ODAD2: variants seen among roughly 807,000 people sequenced by gnomAD.
ODAD2 encodes the protein outer dynein arm docking complex subunit 2.
ODAD2 carries 89 observed loss-of-function variants against 106.8 expected under a neutral mutation model. That is an observed-to-expected ratio of 0.83 (90% CI 0.70 to 0.99). ODAD2 has a LOEUF of 0.99. Among genes scored for constraint, ODAD2 ranks in the 50% least tolerant of loss-of-function variants. The pLI, the probability that ODAD2 is intolerant of heterozygous loss-of-function variation, is 0.00. For synonymous variants in ODAD2, 404 were observed against 436.2 expected, an observed-to-expected ratio of 0.93 and a Z score of 0.92; for missense variants, 1,168 against 1,238.5, an observed-to-expected ratio of 0.94 and a Z score of 0.85.
intron 7 of ODAD2, among the ~76,000 whole-genome samples, chr10:27,972,830 G>C (rs1366868273): frequency 6.6e-6 from 1 of 152,012 alleles, no homozygotes. Flanking sequence ...AACTCTCTCA[G>C]TAATCAATAA....
At chr10:27,916,932 C>A (rs959206290) in intron 16 of ODAD2, among the ~76,000 whole-genome samples, 3 of 152,138 alleles carry the variant, frequency 2.0e-5, no homozygotes, top group Non-Finnish European at 2.9e-5. Flanking sequence ...AACAAATCTA[C>A]AATCATGATT....
rs370699691 is a variant in ODAD2, at chr10:27,971,320, T to C, written c.937-7A>G. On this transcript the variant is annotated splice_region_variant and splice_polypyrimidine_tract_variant and intron_variant, in intron 7 of 19. Transcript: ENST00000305242. ...CTTCACTGAAGCTAATTCCCTTTAT[T>C]TAAAAAATGAGAATAATTTTTAATG... 3.6e-4 allele frequency: 564 copies of C among 1,578,556 alleles called. No homozygotes were observed. Among genetic ancestry groups the C allele is most frequent in the Non-Finnish European group, 4.7e-4 (544 of 1,167,974 alleles).
chr10:27,970,754 A>C (rs1221597675), intron 8 of ODAD2, among the ~76,000 whole-genome samples: 1 of 152,166 alleles, frequency 6.6e-6, no homozygotes, highest in Non-Finnish European at 1.5e-5. Flanking sequence ...ACTTGAGGTC[A>C]GGAGTTTGAG....
chr10:27,945,560 C>T (rs939749549), intron 10 of ODAD2, among the ~76,000 whole-genome samples: 15 of 152,036 alleles, frequency 9.9e-5, no homozygotes, highest in Admixed American at 7.9e-4. Flanking sequence ...CCTGGCTGAA[C>T]GCAGAGTCTT....
chr10:27,995,259 C>A, intron 1 of ODAD2, 79 bp from the exon 2 acceptor site: 1 of 1,382,910 alleles, frequency 7.2e-7, no homozygotes, highest in Non-Finnish European at 9.7e-7. Flanking sequence ...AGACTTTAAA[C>A]TAGTACTCCC....
chr10:27,867,345 T>C (rs1288961714), intron 17 of ODAD2, among the ~76,000 whole-genome samples: 1 of 152,174 alleles, frequency 6.6e-6, no homozygotes, highest in Non-Finnish European at 1.5e-5. Flanking sequence ...CAAAGTCTGA[T>C]GGTGCTGGGG....
intron 19 of ODAD2, among the ~76,000 whole-genome samples, chr10:27,818,128 T>A (rs1931888): frequency 6.6e-6 from 1 of 150,620 alleles, no homozygotes; most frequent in African/African-American, 2.4e-5. Context: ...TGGATGCCAA[T>A]GGATCCTGAT....
chr10:27,961,938 T>C (rs189511555), intron 9 of ODAD2, among the ~76,000 whole-genome samples: 119 of 152,276 alleles, frequency 7.8e-4, no homozygotes, highest in African/African-American at 2.8e-3. Context: ...TGGTGGTGCA[T>C]GCCTGTAATT....
In ODAD2 at chr10:27,885,527, A is replaced by AT. The variant is rs1564465114; in HGVS notation, c.2610+22135_2610+22136insA. On this transcript the variant is annotated intron_variant, in intron 17 of 19. Coordinates refer to ENST00000305242, the MANE Select transcript of ODAD2 (RefSeq NM_018076.5). ...TCCATCTCAAAAAAAAAAAAAAAAA[A>AT]AAAAAAATATATATATATATAAATA... Among the ~76,000 whole-genome samples, 75 of 19,130 alleles carry AT rather than the reference A, an allele frequency of 3.9e-3. 5 individuals carry two copies. The highest frequency in any genetic ancestry group is 0.038 in the East Asian group (36 of 940). 12.6% of individuals were successfully genotyped at this position (19,130 alleles called of 152,430 possible).
chr10:27,941,486 C>T (rs540231938), intron 12 of ODAD2, among the ~76,000 whole-genome samples: 133 of 122,804 alleles, frequency 1.1e-3, no homozygotes, highest in Non-Finnish European at 1.5e-3. Flanking sequence ...TCCTGCCCCC[C>T]GAACCAAAAA....
chr10:27,996,552 G>A (rs531443051), intron 1 of ODAD2, among the ~76,000 whole-genome samples: 16 of 152,190 alleles, frequency 1.1e-4, no homozygotes, highest in Middle Eastern at 6.8e-3. Flanking sequence ...TAACCTCCAG[G>A]CATCTAGTAA....
In ODAD2 at chr10:27,981,465, C is replaced by A. The variant is rs1237311934; in HGVS notation, c.936+1G>T. On this transcript the variant is annotated splice_donor_variant, in intron 7 of 19. Transcript: ENST00000305242. LOFTEE classifies it high-confidence loss of function. ...AGCTCAAAAGAAACCATAAAACTTA[C>A]CAATTTAGACATATTTTCTGAAAAT... The A allele has an allele frequency of 2.0e-6, 3 of 1,497,410 alleles. No individual in the cohort carries two copies. Among genetic ancestry groups the A allele is most frequent in the East Asian group, 2.7e-5 (1 of 37,666 alleles). 92.8% of individuals were successfully genotyped at this position (1,497,410 alleles called of 1,614,324 possible).
intron 17 of ODAD2, among the ~76,000 whole-genome samples, chr10:27,881,975 C>T (rs1454073520): frequency 6.6e-6 from 1 of 151,690 alleles, no homozygotes; most frequent in Non-Finnish European, 1.5e-5. Context: ...AGACCAGACT[C>T]GACAACATGG....
chr10:27,933,202 A>T (rs1845729213), intron 16 of ODAD2, among the ~76,000 whole-genome samples: 1 of 152,144 alleles, frequency 6.6e-6, no homozygotes, highest in Non-Finnish European at 1.5e-5. Flanking sequence ...GCAAGCTATG[A>T]TTGCATCACT....
At chr10:27,842,940 G>T (rs1339229676) in intron 19 of ODAD2, among the ~76,000 whole-genome samples, 1 of 152,156 alleles carries the variant, frequency 6.6e-6, no homozygotes, top group African/African-American at 2.4e-5. Context: ...AATGCTCATA[G>T]CAGCACTATT....
intron 19 of ODAD2, among the ~76,000 whole-genome samples, chr10:27,844,435 C>G (rs546842104): frequency 1.6e-4 from 25 of 152,238 alleles, no homozygotes; most frequent in African/African-American, 2.2e-4. Context: ...GTTTCTCAAC[C>G]AGGCTCAGTC....
chr10:27,889,644 C>A (rs1453876582), intron 17 of ODAD2, among the ~76,000 whole-genome samples: 1 of 152,174 alleles, frequency 6.6e-6, no homozygotes, highest in Non-Finnish European at 1.5e-5. Flanking sequence ...CACTGTCCCA[C>A]ATTCTGATCT....
At chr10:27,817,333 A>G (rs545950407) in intron 19 of ODAD2, among the ~76,000 whole-genome samples, 3 of 152,280 alleles carry the variant, frequency 2.0e-5, no homozygotes, top group Admixed American at 6.5e-5. Context: ...TACTGTATAG[A>G]CAGTTAAAAT....
chr10:27,869,523 T>C (rs868282055), intron 17 of ODAD2, among the ~76,000 whole-genome samples: 6 of 134,430 alleles, frequency 4.5e-5, no homozygotes, highest in Non-Finnish European at 6.4e-5. Flanking sequence ...AGTCACTTTT[T>C]TTTCTTTTTT....
Sources: gnomAD v4.1 joint callset for allele counts (sites outside exome capture counted in the v4.1 genomes callset) on GRCh38, gnomAD v4.1.1 for gene constraint, MANE v1.5 for transcripts, NCBI Gene and HGNC (gene_info 2026-07-23, HGNC 2026-07-21) for gene names.